The following MCF2L variants were observed in gnomAD, a reference collection of about 807,000 sequenced individuals.
MCF2L encodes the protein guanine nucleotide exchange factor DBS.
MCF2L carries 97 observed loss-of-function variants against 153.4 expected under a neutral mutation model. That is an observed-to-expected ratio of 0.63 (90% CI 0.54 to 0.75). MCF2L has a LOEUF of 0.75. Ranked by LOEUF, MCF2L falls within the 30% of genes least tolerant of loss-of-function variation. The probability of loss-of-function intolerance (pLI) is 0.00; values close to 1 mark genes in which losing one functional copy is unlikely to be tolerated. For missense variants in MCF2L, 1,347 were observed against 1,495.2 expected, an observed-to-expected ratio of 0.90 and a Z score of 1.64; for synonymous variants, 659 against 632.2, an observed-to-expected ratio of 1.04 and a Z score of -0.64.
Position 113,060,626 on chromosome 13 carries a change from G to C in MCF2L, c.403G>C (p.Val135Leu). 1 of 1,613,506 alleles carries C rather than the reference G, an allele frequency of 6.2e-7. No homozygotes were observed. The highest frequency in any genetic ancestry group is 1.3e-5 in the African/African-American group (1 of 75,046). Residue 135 changes from valine to leucine, a missense_variant, in exon 5 of 30, where the codon GTG becomes CTG. This residue lies in a region of MCF2L where 820 missense variants were observed against 921.2 expected (regional missense o/e 0.89). Coordinates refer to ENST00000535094, the MANE Select transcript of MCF2L (RefSeq NM_001112732.3). The stretch of plus-strand genomic sequence containing the variant: ...CCCGGCAAACCTGCAGCTCGTCCTC[G>C]TGCTTCGCCCGACGGGTTTTTTCCA... ...SFPANLQLVLVLRPTGFFQRT... is the reference protein window; with the variant it reads ...SFPANLQLVLLLRPTGFFQRT...
rs571150734 is a variant in MCF2L at position 113,064,759 on chromosome 13, G to A, written c.607-177G>A. On this transcript the variant is annotated intron_variant, in intron 6 of 29. Transcript: ENST00000535094. The surrounding 1 kb of genome is among the most constrained non-coding windows in gnomAD (Gnocchi z 6.0). ...CACACGTGTAGAGTGTGCCTGGTATGTTTCTGAAGAGGTCAAGGAGGGCAG... is the reference window on the plus strand; with the variant it reads ...CACACGTGTAGAGTGTGCCTGGTATATTTCTGAAGAGGTCAAGGAGGGCAG... 4.5e-6 allele frequency: 3 copies of A among 659,420 alleles called. No homozygotes were observed. Among genetic ancestry groups the A allele is most frequent in the Non-Finnish European group, 5.1e-6 (2 of 391,072 alleles). The allele number at this position is 659,420 out of a possible 1,614,324, so 40.8% of individuals were successfully genotyped here. A position where few individuals can be genotyped will look rare whatever the true frequency, so the allele number is the denominator to read the frequency against.
At chr13:113,048,479 C>T (rs1292510702) in intron 4 of MCF2L, among the ~76,000 whole-genome samples, 2 of 103,548 alleles carry the variant, frequency 1.9e-5, no homozygotes, top group African/African-American at 3.7e-5. Context: ...CTCATTCTTT[C>T]GCCCAGGCCG....
intron 2 of MCF2L, among the ~76,000 whole-genome samples, chr13:112,912,041 G>A (rs2081238383): frequency 6.6e-6 from 1 of 152,208 alleles, no homozygotes; most frequent in African/African-American, 2.4e-5. Context: ...CAAGAGTCAC[G>A]TGGCTGGGGA....
intron 1 of MCF2L, among the ~76,000 whole-genome samples, chr13:112,999,476 C>T (rs1178166061): frequency 2.0e-5 from 3 of 152,358 alleles, no homozygotes; most frequent in Non-Finnish European, 4.4e-5. Context: ...GTGAGAGCCT[C>T]CTGCTCAGAA....
At chr13:113,085,357 C>A (rs1369658304) in intron 20 of MCF2L, among the ~76,000 whole-genome samples, 179 bp downstream of exon 20, 1 of 152,168 alleles carries the variant, frequency 6.6e-6, no homozygotes, top group East Asian at 1.9e-4. Flanking sequence ...TGTTAGGGGT[C>A]TGAGGACGCA....
Position 113,035,281 on chromosome 13 carries a change from G to A in MCF2L, c.279-9990G>A, listed in dbSNP as rs1166530921. Reference sequence around the variant, plus strand: ...CTACCATGTAGTGCACTTATGAATCGTGCATATTTTACTCTAAGGCCTGTC... The same window carrying A: ...CTACCATGTAGTGCACTTATGAATCATGCATATTTTACTCTAAGGCCTGTC... On this transcript the variant is annotated intron_variant, in intron 3 of 29. Transcript: ENST00000535094. This position sits in a 1 kb window ranked among gnomAD's most constrained non-coding sequence, Gnocchi z 4.4. Among the ~76,000 whole-genome samples the A allele has an allele frequency of 1.3e-5, 2 of 152,144 alleles. No homozygotes were observed. Among genetic ancestry groups the A allele is most frequent in the Admixed American group, 6.5e-5 (1 of 15,276 alleles).
At chr13:112,928,480 G>A (rs548369593) in intron 2 of MCF2L, among the ~76,000 whole-genome samples, 11 of 152,248 alleles carry the variant, frequency 7.2e-5, no homozygotes, top group South Asian at 2.1e-4. Context: ...CATGCCAGCC[G>A]TTACTGTACT....
In MCF2L at chr13:113,088,619, C is replaced by A. The variant is rs747395065; in HGVS notation, c.2825C>A (p.Thr942Asn). The change falls in exon 25 of 30, where the codon ACC (threonine) becomes AAC (asparagine). Residue 942 changes from threonine (T) to asparagine (N), a missense_variant. Around this residue, in one of 3 missense-constraint regions of MCF2L, gnomAD observed 383 missense variants for 335.4 expected, o/e 1.14. Transcript: ENST00000535094. ...QSQSLPLPAP[T>N]STSPSRGNSR... ...CAGAGCCTGCCCCTGCCGGCCCCGA[C>A]CAGCACCAGGTGAGAATGGACACGC... The A allele has an allele frequency of 2.7e-5, 43 of 1,607,262 alleles. No individual in the cohort carries two copies. The highest frequency in any genetic ancestry group is 2.2e-4 in the Admixed American group (13 of 59,920).
chr13:113,022,596 G>A lies in MCF2L; in HGVS notation c.164-2048G>A, dbSNP rs528471308. Among the ~76,000 whole-genome samples, 34 of 152,374 alleles carry A rather than the reference G, an allele frequency of 2.2e-4. No homozygotes were observed. The East Asian group carries it at 3.9e-3, about 17-fold the overall frequency. The stretch of plus-strand genomic sequence containing the variant: ...GGAAAGGCAGGCGCAGGCTGCGGCC[G>A]TTTCCACAATCCACCTCGTAGCTGG... On this transcript the variant is annotated intron_variant, in intron 2 of 29. Coordinates refer to ENST00000535094, the MANE Select transcript of MCF2L (RefSeq NM_001112732.3).
intron 3 of MCF2L, among the ~76,000 whole-genome samples, chr13:113,039,247 G>C (rs1032222650): frequency 2.0e-5 from 3 of 152,202 alleles, no homozygotes; most frequent in Non-Finnish European, 4.4e-5. Flanking sequence ...GTGATTGGCT[G>C]TCTGTGTGGG....
chr13:112,985,920 C>T (rs1594489518), intron 1 of MCF2L, among the ~76,000 whole-genome samples: 3 of 152,284 alleles, frequency 2.0e-5, no homozygotes, highest in Admixed American at 2.0e-4. Flanking sequence ...GAGGATCGGC[C>T]CCGGCACACC....
Position 113,064,636 on chromosome 13 carries a change from A to C in MCF2L, c.606+216A>C. ...GGAGTGGCTTTCTCTGGGCTTGGAGACCAAAAAAAAAAAAAAAACCCTTGC... is the reference window on the plus strand; with the variant it reads ...GGAGTGGCTTTCTCTGGGCTTGGAGCCCAAAAAAAAAAAAAAAACCCTTGC... On this transcript the variant is annotated intron_variant, in intron 6 of 29. Coordinates refer to ENST00000535094, the MANE Select transcript of MCF2L (RefSeq NM_001112732.3). This position sits in a 1 kb window ranked among gnomAD's most constrained non-coding sequence, Gnocchi z 6.0. The C allele has an allele frequency of 9.3e-6, 5 of 537,900 alleles. No individual in the cohort carries two copies. The highest frequency in any genetic ancestry group is 1.6e-5 in the Non-Finnish European group (5 of 303,800). 33.3% of individuals were successfully genotyped at this position (537,900 alleles called of 1,614,324 possible). A position where few individuals can be genotyped will look rare whatever the true frequency, so the allele number is the denominator to read the frequency against.
In MCF2L at chr13:113,053,113, C is replaced by T. The variant is rs991653703; in HGVS notation, c.370-7480C>T. Among the ~76,000 whole-genome samples, 1 of 152,194 alleles carries T rather than the reference C, an allele frequency of 6.6e-6. No homozygotes were observed. The highest frequency in any genetic ancestry group is 1.5e-5 in the Non-Finnish European group (1 of 68,034). ...ATCCCGGATTGCTGACATGGTGTCT[C>T]CTGAGTGGAGCTGCCCTCTGCATAA... On this transcript the variant is annotated intron_variant, in intron 4 of 29. Coordinates refer to ENST00000535094, the MANE Select transcript of MCF2L (RefSeq NM_001112732.3). This position sits in a 1 kb window ranked among gnomAD's most constrained non-coding sequence, Gnocchi z 4.4.
At position 113,014,819 on chromosome 13, in the gene MCF2L, C is replaced by T; in HGVS notation, c.136C>T (p.Leu46=). Residue 46 remains leucine (L), a synonymous_variant, in exon 2 of 30, where the codon CTA becomes TTA. Transcript: ENST00000535094. ...PLCAADIQDQ[L]KKRFAYLSGG... The stretch of plus-strand genomic sequence containing the variant: ...CTGTGCTGCCGACATCCAGGACCAG[C>T]TAAAGAAGCGCTTTGCTTACCTGTC... 1 of 1,614,064 alleles carries T rather than the reference C, an allele frequency of 6.2e-7. No homozygotes were observed. Among genetic ancestry groups the T allele is most frequent in the Non-Finnish European group, 8.5e-7 (1 of 1,180,020 alleles).
At chr13:112,964,708 A>G (rs2081872058), upstream of MCF2L, 2 of 152,270 alleles carry the variant, frequency 1.3e-5, no homozygotes, top group African/African-American at 2.4e-5. Flanking sequence ...TCACTCAGCT[A>G]TTTAAAATCA....
At chr13:112,919,497 G>A (rs184140181) in intron 2 of MCF2L, among the ~76,000 whole-genome samples, 3 of 152,158 alleles carry the variant, frequency 2.0e-5, no homozygotes, top group African/African-American at 4.8e-5. Flanking sequence ...GAGCCACCGC[G>A]CCCGGCCAGA....
At chr13:112,955,008 G>A (rs1016412293) in intron 2 of MCF2L, among the ~76,000 whole-genome samples, 2 of 152,224 alleles carry the variant, frequency 1.3e-5, no homozygotes, top group Non-Finnish European at 2.9e-5. Flanking sequence ...TGTGCCGTTG[G>A]TGACATGGAT....
chr13:113,063,687 C>A (rs575647647), intron 5 of MCF2L, among the ~76,000 whole-genome samples: 1 of 152,188 alleles, frequency 6.6e-6, no homozygotes, highest in Non-Finnish European at 1.5e-5. Context: ...AGTGGGGACT[C>A]CACTGGGGGT....
rs2032136377 is a variant in MCF2L, at chr13:113,065,019, G to A, written c.690G>A (p.Leu230=). Residue 230 remains leucine, a synonymous_variant, in exon 7 of 30, where the codon CTG becomes CTA. Coordinates refer to ENST00000535094, the MANE Select transcript of MCF2L (RefSeq NM_001112732.3). ...SFGTELAETE[L]PNDVQSTSSV... ...GGACCGAGCTGGCTGAAACAGAGCT[G>A]CCCAATGACGTCCAGTCGACAAGCT... 1 of 1,612,862 alleles carries A rather than the reference G, an allele frequency of 6.2e-7. No individual in the cohort carries two copies. Among genetic ancestry groups the A allele is most frequent in the Non-Finnish European group, 8.5e-7 (1 of 1,179,992 alleles).
Sources: allele counts gnomAD v4.1 joint callset (sites outside exome capture counted in the v4.1 genomes callset), GRCh38; gene constraint gnomAD v4.1.1; regional missense constraint gnomAD v4.1.1; non-coding constraint Gnocchi (gnomAD v3.1); transcripts MANE v1.5; gene names NCBI Gene and HGNC (gene_info 2026-07-23, HGNC 2026-07-21).